The following CACNA2D3 variants were observed in gnomAD, a reference collection of about 807,000 sequenced individuals.
CACNA2D3 encodes calcium voltage-gated channel auxiliary subunit alpha2delta 3.
A neutral mutation model predicts 160.6 loss-of-function variants in CACNA2D3; 60 were observed. The observed-to-expected ratio is 0.37, with a 90% confidence interval of 0.30 to 0.46. The LOEUF (loss-of-function observed/expected upper bound fraction) is 0.46. Ranked by LOEUF, CACNA2D3 falls within the 20% of genes least tolerant of loss-of-function variation. CACNA2D3 has a pLI of 1.00. For missense variants in CACNA2D3, 1,205 were observed against 1,365.0 expected (o/e 0.88, Z 1.85); for synonymous variants, 558 against 492.9 (o/e 1.13, Z -1.75).
At chr3:54,986,269 C>A (rs1702610802) in intron 30 of CACNA2D3, among the ~76,000 whole-genome samples, 2 of 152,126 alleles carry the variant, frequency 1.3e-5, no homozygotes, top group Admixed American at 6.5e-5. Flanking sequence ...ACTACAGATT[C>A]TCTGCTCTAT....
At chr3:54,641,463 T>C (rs967195064) in intron 10 of CACNA2D3, among the ~76,000 whole-genome samples, 1 of 152,178 alleles carries the variant, frequency 6.6e-6, no homozygotes, top group Non-Finnish European at 1.5e-5. Flanking sequence ...AGAGAATAGA[T>C]GGCAAATATC....
At chr3:54,925,462 G>A (rs927685251) in intron 27 of CACNA2D3, among the ~76,000 whole-genome samples, 5 of 152,152 alleles carry the variant, frequency 3.3e-5, no homozygotes, top group African/African-American at 1.2e-4. Flanking sequence ...GATACTCTCA[G>A]TGTCTTCTGA....
intron 31 of CACNA2D3, among the ~76,000 whole-genome samples, chr3:54,995,943 G>A (rs535578378): frequency 5.3e-5 from 8 of 152,204 alleles, no homozygotes; most frequent in African/African-American, 1.4e-4. Context: ...TGCCCAATGC[G>A]GTCCTGAACA....
At chr3:54,724,311 T>C (rs1315051055) in intron 11 of CACNA2D3, among the ~76,000 whole-genome samples, 5 of 152,048 alleles carry the variant, frequency 3.3e-5, no homozygotes, top group African/African-American at 4.8e-5. Context: ...TCCCACACAA[T>C]AATAGTGGGA....
chr3:54,571,982 C>T (rs1164817379), intron 8 of CACNA2D3, among the ~76,000 whole-genome samples: 1 of 152,138 alleles, frequency 6.6e-6, no homozygotes, highest in Non-Finnish European at 1.5e-5. Context: ...GAAGAGGGTG[C>T]TCCGAGAATG....
At chr3:54,722,659 C>T (rs775286008) in intron 11 of CACNA2D3, among the ~76,000 whole-genome samples, 22 of 152,256 alleles carry the variant, frequency 1.4e-4, no homozygotes, top group Non-Finnish European at 2.8e-4. Context: ...GCTCAGCTGC[C>T]GCCCTGCTGG....
At chr3:54,341,959 CATGTACAAGTTT>C (rs966486363) in intron 3 of CACNA2D3, among the ~76,000 whole-genome samples, 43 of 152,142 alleles carry the variant, frequency 2.8e-4, no homozygotes, top group Admixed American at 2.6e-3. Flanking sequence ...GATTTTATTA[CATGTACAAGTTT>C]ATTTAATCTT....
At chr3:54,835,053 C>G (rs545478673) in intron 14 of CACNA2D3, among the ~76,000 whole-genome samples, 3 of 152,308 alleles carry the variant, frequency 2.0e-5, no homozygotes, top group East Asian at 3.9e-4. Flanking sequence ...GGCAGTTGCT[C>G]AAACAACTGA....
chr3:54,503,463 A>G, intron 4 of CACNA2D3, 29 bp from the exon 5 acceptor site: 1 of 1,611,204 alleles, frequency 6.2e-7, no homozygotes, highest in Non-Finnish European at 8.5e-7. Context: ...CCTAAGCCAC[A>G]TGTAATGTTT....
chr3:54,838,684 AG>A, intron 16 of CACNA2D3, 36 bp downstream of exon 16: 1 of 1,418,248 alleles, frequency 7.1e-7, no homozygotes, highest in Non-Finnish European at 1.0e-6. Flanking sequence ...TCAAAGCAAC[AG>A]AGATGCCCAG....
intron 17 of CACNA2D3, among the ~76,000 whole-genome samples, chr3:54,862,586 G>A (rs112676192): frequency 2.6e-5 from 4 of 152,164 alleles, no homozygotes; most frequent in Non-Finnish European, 4.4e-5. Flanking sequence ...CCTGCTTGTC[G>A]TTTAGCATAA....
chr3:54,194,507 A>C (rs573644128), intron 2 of CACNA2D3, among the ~76,000 whole-genome samples: 2 of 152,214 alleles, frequency 1.3e-5, no homozygotes, highest in South Asian at 2.1e-4. Context: ...TCTCTCTGGA[A>C]TCTTCCTCCT....
At chr3:54,829,527 C>T (rs759060510) in intron 14 of CACNA2D3, among the ~76,000 whole-genome samples, 10 of 152,088 alleles carry the variant, frequency 6.6e-5, no homozygotes, top group Admixed American at 3.3e-4. Context: ...TCCAGATGTA[C>T]GTCTCCCTGC....
chr3:54,540,331 G>A (rs76765609), intron 5 of CACNA2D3, among the ~76,000 whole-genome samples: 2,487 of 152,304 alleles, frequency 0.016, 72 homozygotes, highest in East Asian at 0.11. Context: ...AGAAACAATA[G>A]TGAACTGCGA....
At chr3:54,319,881 A>G (rs962003956) in intron 2 of CACNA2D3, among the ~76,000 whole-genome samples, 2 of 152,178 alleles carry the variant, frequency 1.3e-5, no homozygotes, top group South Asian at 2.1e-4. Flanking sequence ...TCATTTTGCA[A>G]ATCTCTTTAA....
At chr3:54,443,331 T>C (rs1042703530) in intron 4 of CACNA2D3, among the ~76,000 whole-genome samples, 1 of 151,940 alleles carries the variant, frequency 6.6e-6, no homozygotes, top group African/African-American at 2.4e-5. Context: ...TGTATGCATG[T>C]CTGTGTGTGG....
intron 3 of CACNA2D3, among the ~76,000 whole-genome samples, chr3:54,371,831 C>T (rs1377834514): frequency 6.6e-6 from 1 of 152,146 alleles, no homozygotes; most frequent in African/African-American, 2.4e-5. Context: ...AAGAAATCTC[C>T]AAAAGTTGAA....
chr3:54,176,900 T>C (rs1485916500), intron 2 of CACNA2D3, among the ~76,000 whole-genome samples: 1 of 152,120 alleles, frequency 6.6e-6, no homozygotes, highest in African/African-American at 2.4e-5. Context: ...CAGCCCAGTG[T>C]GGCATTAGGG....
chr3:54,716,111 AAC>A (rs1170123825), intron 11 of CACNA2D3, among the ~76,000 whole-genome samples: 1 of 152,202 alleles, frequency 6.6e-6, no homozygotes, highest in Non-Finnish European at 1.5e-5. Flanking sequence ...TTAAAATAAA[AAC>A]ACAAACTTTA....
Sources: allele counts gnomAD v4.1 joint callset (sites outside exome capture counted in the v4.1 genomes callset), GRCh38; gene constraint gnomAD v4.1.1; transcripts MANE v1.5; gene names NCBI Gene and HGNC (gene_info 2026-07-23, HGNC 2026-07-21).